ZIK1: variants seen among roughly 807,000 people sequenced by gnomAD.
ZIK1 encodes the protein zinc finger protein interacting with ribonucleoprotein K.
ZIK1 carries 12 observed loss-of-function variants against 10.7 expected under a neutral mutation model. The ratio of observed to expected loss-of-function variants is 1.12; its 90% confidence interval spans 0.72 to 1.81. The LOEUF is 1.81. ZIK1 is among the 40% of genes most tolerant of loss of function. The probability of loss-of-function intolerance (pLI) is 0.00; values close to 1 mark genes in which losing one functional copy is unlikely to be tolerated. For synonymous variants in ZIK1, 190 were observed against 205.0 expected (o/e 0.93, Z 0.63); for missense variants, 497 against 585.7 (o/e 0.85, Z 1.56).
At chr19:57,588,093 G>A (rs994009798) in intron 2 of ZIK1, among the ~76,000 whole-genome samples, 2 of 152,164 alleles carry the variant, frequency 1.3e-5, no homozygotes, top group African/African-American at 4.8e-5. Context: ...AGAGGTCTGT[G>A]TAGCACTGGA....
chr19:57,592,638 A>G lies in ZIK1; in HGVS notation c.*1363A>G, dbSNP rs1979796681. 1 of 152,132 alleles carries G rather than the reference A, an allele frequency of 6.6e-6. No individual in the cohort carries two copies. Among genetic ancestry groups the G allele is most frequent in the East Asian group, 1.9e-4 (1 of 5,178 alleles). The allele number at this position is 152,132 out of a possible 1,614,324, so 9.4% of individuals were successfully genotyped here. On this transcript the variant is annotated 3_prime_UTR_variant, in exon 4 of 4. Transcript: ENST00000597850. ...ATTGCCACAGCCTTCATTGCTTGCC[A>G]ACATTTCCTGCATGGAGGGACTCAT...
At position 57,591,686 on chromosome 19, in the gene ZIK1, C is replaced by T. The variant is rs534951039; in HGVS notation, c.*411C>T. ...GGCCCAGCCTTGGTTCTGCTGGACA[C>T]TTATGTGCAAGGATTCCCTTCATGT... On this transcript the variant is annotated 3_prime_UTR_variant, in exon 4 of 4. Coordinates refer to ENST00000597850, the MANE Select transcript of ZIK1 (RefSeq NM_001010879.4). 1 of 171,032 alleles carries T rather than the reference C, an allele frequency of 5.8e-6. No individual in the cohort carries two copies. The highest frequency in any genetic ancestry group is 2.4e-5 in the African/African-American group (1 of 42,042). The allele number at this position is 171,032 out of a possible 1,614,324, so 10.6% of individuals were successfully genotyped here.
chr19:57,584,679 A>G (rs1273650332), intron 1 of ZIK1: 14 of 1,354,352 alleles, frequency 1.0e-5, no homozygotes, highest in Admixed American at 6.5e-5. Context: ...GAAGCGGCAT[A>G]TGGTCTGAGT....
intron 2 of ZIK1, among the ~76,000 whole-genome samples, chr19:57,585,242 G>A (rs574238064): frequency 6.6e-6 from 1 of 152,322 alleles, no homozygotes; most frequent in Non-Finnish European, 1.5e-5. Flanking sequence ...GCTGATTCAG[G>A]GAAACACAAC....
rs371958490 is a variant in ZIK1, at chr19:57,590,038, A to G, written c.227A>G (p.Glu76Gly). 3.7e-6 allele frequency: 6 copies of G among 1,613,894 alleles called. No homozygotes were observed. The African/African-American group carries it at 6.7e-5, about 18-fold the overall frequency. The change falls in exon 4 of 4, where the codon GAG (glutamate) becomes GGG (glycine). Residue 76 changes from glutamate to glycine, a missense_variant. Coordinates refer to ENST00000597850, the MANE Select transcript of ZIK1 (RefSeq NM_001010879.4). ...TGTGGCCATGGAACAGAGGATGAAGAGACACCTTCTGACCAGAATGTTTCT... is the reference window on the plus strand; with the variant it reads ...TGTGGCCATGGAACAGAGGATGAAGGGACACCTTCTGACCAGAATGTTTCT... ...LGCGHGTEDE[E>G]TPSDQNVSVG...
chr19:57,590,216 C>T lies in ZIK1; in HGVS notation c.405C>T (p.His135=), dbSNP rs1482600329. Reference sequence around the variant, plus strand: ...GAGAATGTACAAACCATCACCAGCACCAGAAGCATCACAGTGCAAAGAAAT... The same window carrying T: ...GAGAATGTACAAACCATCACCAGCATCAGAAGCATCACAGTGCAAAGAAAT... ...LVGECTNHHQ[H]QKHHSAKKSL... is the part of the protein sequence containing the mutation. The change falls in exon 4 of 4, where the codon CAC becomes CAT. Residue 135 remains histidine (H), a synonymous_variant. Coordinates refer to ENST00000597850, the MANE Select transcript of ZIK1 (RefSeq NM_001010879.4). The T allele has an allele frequency of 1.2e-6, 2 of 1,614,184 alleles. No homozygotes were observed. Among genetic ancestry groups the T allele is most frequent in the Non-Finnish European group, 1.7e-6 (2 of 1,180,044 alleles).
chr19:57,588,812 C>T, intron 3 of ZIK1, 147 bp downstream of exon 3: 1 of 860,342 alleles, frequency 1.2e-6, no homozygotes, highest in Non-Finnish European at 1.6e-6. Context: ...TCTGGGAACA[C>T]CTGCTGCCCA....
Position 57,589,450 on chromosome 19 carries a change from C to A in ZIK1, c.200-561C>A, listed in dbSNP as rs952603220. The stretch of plus-strand genomic sequence containing the variant: ...TCTCTCTTATTATTTTTATCTATGA[C>A]TTCTAGCACCTGGCTACCTCCACCT... On this transcript the variant is annotated intron_variant, in intron 3 of 3. Transcript: ENST00000597850. 5.1e-6 allele frequency: 5 copies of A among 985,240 alleles called. No homozygotes were observed. The East Asian group carries it at 5.7e-4, about 112-fold the overall frequency. 61.0% of individuals were successfully genotyped at this position (985,240 alleles called of 1,614,324 possible). A position where few individuals can be genotyped will look rare whatever the true frequency, so the allele number is the denominator to read the frequency against.
chr19:57,591,391 CTG>C lies in ZIK1; in HGVS notation c.*118_*119del. 2 of 1,070,588 alleles carry C rather than the reference CTG, an allele frequency of 1.9e-6. No individual in the cohort carries two copies. Among genetic ancestry groups the C allele is most frequent in the Non-Finnish European group, 2.7e-6 (2 of 754,336 alleles). The allele number at this position is 1,070,588 out of a possible 1,614,324, so 66.3% of individuals were successfully genotyped here. ...TAGACCTACAGGGAAAGTGCTGTCTCTGTAGTATTGTAGCAGTAGAGAGCCTT... is the reference window on the plus strand; with the variant it reads ...TAGACCTACAGGGAAAGTGCTGTCTCTAGTATTGTAGCAGTAGAGAGCCTT... On this transcript the variant is annotated 3_prime_UTR_variant, in exon 4 of 4. Coordinates refer to ENST00000597850, the MANE Select transcript of ZIK1 (RefSeq NM_001010879.4).
intron 1 of ZIK1, chr19:57,584,708 C>A: frequency 8.2e-7 from 1 of 1,214,588 alleles, no homozygotes; most frequent in South Asian, 2.0e-5. Flanking sequence ...TCGAAGTTTT[C>A]CAAAAACCTC....
rs191437247 is a variant in ZIK1 at position 57,588,569 on chromosome 19, T to G, written c.103T>G (p.Tyr35Asp). 9 of 1,575,780 alleles carry G rather than the reference T, an allele frequency of 5.7e-6. No individual in the cohort carries two copies. The East Asian group carries it at 2.1e-4, about 36-fold the overall frequency. ...TGTGACCTTTGAGGACATCGCCATTTACTTCTCACAGGACGAGTGGGGACT... is the reference window on the plus strand; with the variant it reads ...TGTGACCTTTGAGGACATCGCCATTGACTTCTCACAGGACGAGTGGGGACT... ...GCVTFEDIAI[Y>D]FSQDEWGLLD... is the part of the protein sequence containing the mutation. Residue 35 changes from tyrosine (Y) to aspartate (D), a missense_variant, in exon 3 of 4, where the codon TAC (tyrosine) becomes GAC (aspartate). Tyr to Asp is a radical substitution (Grantham distance 160). Coordinates refer to ENST00000597850, the MANE Select transcript of ZIK1 (RefSeq NM_001010879.4).
rs770474457 is a variant in ZIK1 at position 57,591,124 on chromosome 19, G to A, written c.1313G>A (p.Gly438Asp). 4 of 1,614,148 alleles carry A rather than the reference G, an allele frequency of 2.5e-6. No homozygotes were observed. The South Asian group carries it at 4.4e-5, about 18-fold the overall frequency. The change falls in exon 4 of 4, where the codon GGC becomes GAC. Residue 438 changes from glycine to aspartate, a missense_variant. Transcript: ENST00000597850. The part of the protein sequence containing the change: ...IHTGARPYEC[G>D]QCGKSFSQKS... ...ACTGGAGCAAGGCCTTATGAGTGTG[G>A]CCAGTGTGGAAAGTCCTTTAGCCAA...
chr19:57,587,160 T>C (rs1979238749), intron 2 of ZIK1, among the ~76,000 whole-genome samples: 2 of 152,180 alleles, frequency 1.3e-5, no homozygotes, highest in Non-Finnish European at 2.9e-5. Flanking sequence ...CCCCTATGGT[T>C]CGATTACCTC....
chr19:57,589,947 G>A (rs1009880218), intron 3 of ZIK1, 64 bp from the exon 4 acceptor site: 4 of 1,542,742 alleles, frequency 2.6e-6, no homozygotes, highest in Non-Finnish European at 3.5e-6. Context: ...TGGTATGTGT[G>A]TAATGGGGCT....
rs371680520 is a variant in ZIK1 at position 57,588,143 on chromosome 19, G to A, written c.73-396G>A. On this transcript the variant is annotated intron_variant, in intron 2 of 3. Coordinates refer to ENST00000597850, the MANE Select transcript of ZIK1 (RefSeq NM_001010879.4). ...GGCAGGCAGAGGGGTGGAGGTAGCC[G>A]TGGGAGTGAGACTGAGCGAGTATGG... 5.9e-5 allele frequency among the ~76,000 whole-genome samples: 9 copies of A among 152,140 alleles called. No homozygotes were observed. The East Asian group carries it at 1.2e-3, about 20-fold the overall frequency.
Position 57,590,157 on chromosome 19 carries a change from G to C in ZIK1, c.346G>C (p.Ala116Pro). Residue 116 changes from alanine (A) to proline (P), a missense_variant, in exon 4 of 4, where the codon GCT becomes CCT. Ala to Pro is a conservative substitution (Grantham distance 27). Transcript: ENST00000597850. ...VPVLKDILHLADLPGQKPYLV... is the reference protein window; with the variant it reads ...VPVLKDILHLPDLPGQKPYLV... ...AGTCCTGAAAGATATTTTGCATCTAGCTGATCTCCCTGGGCAGAAACCATA... is the reference window on the plus strand; with the variant it reads ...AGTCCTGAAAGATATTTTGCATCTACCTGATCTCCCTGGGCAGAAACCATA... 1.2e-6 allele frequency: 2 copies of C among 1,614,162 alleles called. No homozygotes were observed. The highest frequency in any genetic ancestry group is 1.7e-6 in the Non-Finnish European group (2 of 1,180,034).
intron 2 of ZIK1, among the ~76,000 whole-genome samples, chr19:57,588,088 T>A (rs1979323025): frequency 6.6e-6 from 1 of 151,846 alleles, no homozygotes; most frequent in African/African-American, 2.4e-5. Context: ...CCATCAGAGG[T>A]CTGTGTAGCA....
chr19:57,585,299 G>A (rs1021274455), intron 2 of ZIK1, among the ~76,000 whole-genome samples: 1 of 152,230 alleles, frequency 6.6e-6, no homozygotes, highest in African/African-American at 2.4e-5. Flanking sequence ...GCAGGACTCA[G>A]GCCTGGAATG....
At chr19:57,584,655 G>A in intron 1 of ZIK1, 1 of 1,386,036 alleles carries the variant, frequency 7.2e-7, no homozygotes, top group South Asian at 1.7e-5. Context: ...AGGAGCCGTG[G>A]AGGGTTGTGT....
Sources: gnomAD v4.1 joint callset for allele counts (sites outside exome capture counted in the v4.1 genomes callset) on GRCh38, gnomAD v4.1.1 for gene constraint, MANE v1.5 for transcripts, NCBI Gene and HGNC (gene_info 2026-07-23, HGNC 2026-07-21) for gene names.